Variants in PPM1H observed in about 807,000 individuals in gnomAD.
PPM1H encodes the protein protein phosphatase, Mg2+/Mn2+ dependent 1H.
PPM1H carries 27 observed loss-of-function variants against 54.9 expected under a neutral mutation model. The observed-to-expected ratio is 0.49, with a 90% CI of 0.36 to 0.68. The LOEUF (loss-of-function observed/expected upper bound fraction) is 0.68, where lower values mean the gene tolerates loss of function less well. Among genes scored for constraint, PPM1H ranks in the 30% least tolerant of loss-of-function variants. The pLI is 0.00. For missense variants in PPM1H, 596 were observed against 667.8 expected (o/e 0.89, Z 1.19); for synonymous variants, 305 against 270.8 (o/e 1.13, Z -1.24).
At chr12:62,884,955 A>G (rs1258691387) in intron 1 of PPM1H, among the ~76,000 whole-genome samples, 1 of 152,140 alleles carries the variant, frequency 6.6e-6, no homozygotes, top group Non-Finnish European at 1.5e-5. Context: ...ATAAAGACAC[A>G]CCCGAGTCTG....
At position 62,801,852 on chromosome 12, in the gene PPM1H, C is replaced by T. The variant is rs555659782; in HGVS notation, c.720G>A (p.Leu240=). The change falls in exon 3 of 10, where the codon CTG becomes CTA. Residue 240 remains leucine, a synonymous_variant. Coordinates refer to ENST00000228705, the MANE Select transcript of PPM1H (RefSeq NM_020700.2). The stretch of plus-strand genomic sequence containing the variant: ...ATGCACTTTCAAGCGCTCCGATGAC[C>T]AGGCACTCATGGGGAATCTTCTTCT... The part of the protein sequence containing the change: ...FTEKKIPHEC[L]VIGALESAFK... 3 of 1,613,902 alleles carry T rather than the reference C, an allele frequency of 1.9e-6. No individual in the cohort carries two copies. Among genetic ancestry groups the T allele is most frequent in the East Asian group, 4.5e-5 (2 of 44,860 alleles).
At chr12:62,679,919 G>A (rs2076009525) in intron 8 of PPM1H, among the ~76,000 whole-genome samples, 1 of 152,212 alleles carries the variant, frequency 6.6e-6, no homozygotes, top group African/African-American at 2.4e-5. Context: ...AAAGACAGAT[G>A]ATTATTACTT....
chr12:62,847,753 C>CA lies in PPM1H; in HGVS notation c.246-15475dup, dbSNP rs1005840582. 1.1e-4 allele frequency among the ~76,000 whole-genome samples: 16 copies of CA among 147,712 alleles called. 1 individual carries two copies. Among genetic ancestry groups the CA allele is most frequent in the South Asian group, 4.3e-4 (2 of 4,680 alleles). On this transcript the variant is annotated intron_variant, in intron 1 of 9. Transcript: ENST00000228705. ...TAAATCAAAGTTTATTTTAAGGATT[C>CA]AAAAAAAAAGCTGTTAAACTTACAT... is the stretch of plus-strand genomic sequence containing the variant.
chr12:62,922,969 CT>C (rs1463144668), intron 1 of PPM1H, among the ~76,000 whole-genome samples: 1 of 152,202 alleles, frequency 6.6e-6, no homozygotes, highest in African/African-American at 2.4e-5. Context: ...CAAAGAGATA[CT>C]TTCCAGTTTG....
At chr12:62,920,593 A>T (rs550869063) in intron 1 of PPM1H, among the ~76,000 whole-genome samples, 1 of 148,006 alleles carries the variant, frequency 6.8e-6, no homozygotes, top group South Asian at 2.1e-4. Flanking sequence ...AAGTGCTGGG[A>T]TTATAGGCAT....
intron 8 of PPM1H, among the ~76,000 whole-genome samples, chr12:62,687,260 TC>T (rs1263024945): frequency 6.6e-6 from 1 of 152,128 alleles, no homozygotes; most frequent in African/African-American, 2.4e-5. Context: ...AAATATCTCT[TC>T]TAATATTATT....
chr12:62,886,563 C>G (rs80200222), intron 1 of PPM1H, among the ~76,000 whole-genome samples: 9,436 of 152,150 alleles, frequency 0.062, 998 homozygotes, highest in African/African-American at 0.22. Flanking sequence ...ATGCATAAGA[C>G]CTTATTTTCT....
chr12:62,919,685 C>T (rs145380772), intron 1 of PPM1H, among the ~76,000 whole-genome samples: 16 of 152,134 alleles, frequency 1.1e-4, no homozygotes, highest in East Asian at 3.9e-4. Flanking sequence ...TAAAAGGGCT[C>T]ATGATGTTGA....
At chr12:62,859,620 G>A (rs537049885) in intron 1 of PPM1H, among the ~76,000 whole-genome samples, 7 of 152,220 alleles carry the variant, frequency 4.6e-5, no homozygotes, top group Admixed American at 2.0e-4. Context: ...ACTGCTTATT[G>A]TCTTATGGAA....
chr12:62,931,927 A>G (rs534256369), intron 1 of PPM1H, among the ~76,000 whole-genome samples: 5 of 152,314 alleles, frequency 3.3e-5, no homozygotes, highest in Admixed American at 1.3e-4. Context: ...GCTACAGAAT[A>G]ATATGCTTAG....
At chr12:62,826,056 G>A (rs1176204386) in intron 2 of PPM1H, among the ~76,000 whole-genome samples, 2 of 152,096 alleles carry the variant, frequency 1.3e-5, no homozygotes, top group Non-Finnish European at 2.9e-5. Flanking sequence ...CTTTAAAATG[G>A]GAGGCTGAAA....
At chr12:62,871,175 T>C (rs933715577) in intron 1 of PPM1H, among the ~76,000 whole-genome samples, 1 of 152,074 alleles carries the variant, frequency 6.6e-6, no homozygotes, top group Non-Finnish European at 1.5e-5. Flanking sequence ...ATAAATAAAA[T>C]GTGATATATC....
chr12:62,892,024 C>G (rs1003940372), intron 1 of PPM1H, among the ~76,000 whole-genome samples: 2 of 152,200 alleles, frequency 1.3e-5, no homozygotes, highest in Non-Finnish European at 2.9e-5. Flanking sequence ...CTACAACTTT[C>G]AGCCACCACC....
Position 62,748,242 on chromosome 12 carries a change from CA to C in PPM1H, c.870-10657del, listed in dbSNP as rs528735701. On this transcript the variant is annotated intron_variant, in intron 4 of 9. Transcript: ENST00000228705. ...TGGGCGACAGAGCGAGACTCCGTCT[CA>C]AAAAAAAAAAAGAAAAAAAAAGTCC... is the stretch of plus-strand genomic sequence containing the variant. 5.1e-3 allele frequency among the ~76,000 whole-genome samples: 609 copies of C among 120,234 alleles called. 6 individuals carry two copies. Among genetic ancestry groups the C allele is most frequent in the Admixed American group, 0.025 (278 of 11,278 alleles). The allele number at this position is 120,234 out of a possible 152,430, so 78.9% of individuals were successfully genotyped here.
chr12:62,707,563 G>A (rs890768026), intron 6 of PPM1H, among the ~76,000 whole-genome samples: 4 of 152,174 alleles, frequency 2.6e-5, no homozygotes, highest in African/African-American at 9.7e-5. Context: ...TACAGCAATC[G>A]CCTGGGGTGC....
intron 4 of PPM1H, among the ~76,000 whole-genome samples, chr12:62,754,176 TG>T (rs1363617334): frequency 1.3e-5 from 2 of 152,234 alleles, no homozygotes; most frequent in African/African-American, 4.8e-5. Context: ...GAGATGTGGC[TG>T]TGGCCAAAGA....
At chr12:62,732,536 G>T (rs2076327741) in intron 5 of PPM1H, among the ~76,000 whole-genome samples, 1 of 151,656 alleles carries the variant, frequency 6.6e-6, no homozygotes, top group African/African-American at 2.4e-5. Context: ...TCTGCTCAAT[G>T]CAAGTGGCTA....
chr12:62,753,069 G>A (rs1431221945), intron 4 of PPM1H, among the ~76,000 whole-genome samples: 5 of 152,182 alleles, frequency 3.3e-5, no homozygotes, highest in African/African-American at 1.2e-4. Context: ...GAATAGTCAT[G>A]TCTATATGCT....
chr12:62,921,657 C>A (rs1414905460), intron 1 of PPM1H, among the ~76,000 whole-genome samples: 1 of 152,164 alleles, frequency 6.6e-6, no homozygotes, highest in African/African-American at 2.4e-5. Context: ...TGGTGGTGCC[C>A]ACTCACAATT....
Sources: allele counts gnomAD v4.1 joint callset (sites outside exome capture counted in the v4.1 genomes callset), GRCh38; gene constraint gnomAD v4.1.1; transcripts MANE v1.5; gene names NCBI Gene and HGNC (gene_info 2026-07-23, HGNC 2026-07-21).